The following SZT2 variants were observed in gnomAD, a reference collection of about 807,000 sequenced individuals.
SZT2 encodes KICSTOR complex protein SZT2.
Under a neutral mutation model 404.2 loss-of-function variants are expected in SZT2, and 216 were observed. That is an observed-to-expected ratio of 0.53 (90% confidence interval 0.48 to 0.60). SZT2 has a LOEUF of 0.60. Among genes scored for constraint, SZT2 ranks in the 20% least tolerant of loss-of-function variants. The probability of loss-of-function intolerance (pLI) is 0.00; values close to 1 mark genes in which losing one functional copy is unlikely to be tolerated. For synonymous variants in SZT2, 1,693 were observed against 1,749.9 expected (o/e 0.97, Z 0.81); for missense variants, 3,857 against 4,459.2 (o/e 0.86, Z 3.85).
rs1347750932 is a variant in SZT2, at chr1:43,416,093, C to G, written c.764C>G (p.Ser255Cys). ...GCACTGCAGTTACTACCCTCGAACT[C>G]TAGTGCAGGTCAGTAGAAGGAATAT... is the stretch of plus-strand genomic sequence containing the variant. ...ILALQLLPSN[S>C]SAGIIVITDG... The change falls in exon 6 of 72, where the codon TCT becomes TGT. Residue 255 changes from serine to cysteine, a missense_variant. Coordinates refer to ENST00000634258, the MANE Select transcript of SZT2 (RefSeq NM_001365999.1). 6.3e-7 allele frequency: 1 copy of G among 1,598,284 alleles called. No homozygotes were observed. Among genetic ancestry groups the G allele is most frequent in the African/African-American group, 1.3e-5 (1 of 75,008 alleles).
chr1:43,437,619 C>T lies in SZT2; in HGVS notation c.6315C>T (p.Asp2105=). The part of the protein sequence containing the change: ...YLRLLETSCS[D]RPWKGDALPP... ...GGCTCCTAGAGACATCCTGCAGTGA[C>T]CGGCCATGGAAAGGGGATGCGCTGC... Residue 2105 remains aspartate, a synonymous_variant, in exon 45 of 72, where the codon GAC becomes GAT. Transcript: ENST00000634258. The surrounding 1 kb of genome is among the most constrained non-coding windows in gnomAD (Gnocchi z 5.3). 1 of 1,614,136 alleles carries T rather than the reference C, an allele frequency of 6.2e-7. No homozygotes were observed. Among genetic ancestry groups the T allele is most frequent in the Non-Finnish European group, 8.5e-7 (1 of 1,180,010 alleles).
In SZT2 at chr1:43,430,973, G is replaced by GC. The variant is rs1653798127; in HGVS notation, c.4805dup (p.Val1603SerfsTer41). ...GGCCAGGTGCTTTCCAGTCTGGAGGGCCCCCCAGTTGGAGGCCGAGTTCCC... is the reference window on the plus strand; with the variant it reads ...GGCCAGGTGCTTTCCAGTCTGGAGGGCCCCCCCAGTTGGAGGCCGAGTTCCC... On this transcript the variant is annotated frameshift_variant, in exon 33 of 72. Transcript: ENST00000634258. LOFTEE classifies it high-confidence loss of function. The GC allele has an allele frequency of 1.2e-6, 2 of 1,613,798 alleles. No homozygotes were observed. The highest frequency in any genetic ancestry group is 2.7e-5 in the African/African-American group (2 of 74,904).
In SZT2 at chr1:43,419,619, C is replaced by T. The variant is rs1312328445; in HGVS notation, c.880-115C>T. On this transcript the variant is annotated intron_variant, in intron 7 of 71. Coordinates refer to ENST00000634258, the MANE Select transcript of SZT2 (RefSeq NM_001365999.1). ...TCCTGGGAAAACACTGGCCTACTTC[C>T]CACTCTGTGGTCCAGGGAATGGGAG... is the stretch of plus-strand genomic sequence containing the variant. 4.9e-6 allele frequency: 4 copies of T among 814,820 alleles called. No homozygotes were observed. In the East Asian group the frequency reaches 1.1e-4, roughly 22 times the overall value. The allele number at this position is 814,820 out of a possible 1,614,324, so 50.5% of individuals were successfully genotyped here.
At position 43,450,573 on chromosome 1, in the gene SZT2, C is replaced by T; in HGVS notation, c.*93C>T. Reference sequence around the variant, plus strand: ...GGCAGGACTGACCAGCCCTTCTGGGCCCCAGGGCAAGCCAGACACTGAGTG... The same window carrying T: ...GGCAGGACTGACCAGCCCTTCTGGGTCCCAGGGCAAGCCAGACACTGAGTG... On this transcript the variant is annotated 3_prime_UTR_variant, in exon 72 of 72. Transcript: ENST00000634258. This position sits in a 1 kb window ranked among gnomAD's most constrained non-coding sequence, Gnocchi z 4.3. 2 of 1,552,224 alleles carry T rather than the reference C, an allele frequency of 1.3e-6. No individual in the cohort carries two copies. Among genetic ancestry groups the T allele is most frequent in the Non-Finnish European group, 8.8e-7 (1 of 1,139,772 alleles).
intron 1 of SZT2, 39 bp from the exon 2 acceptor site, chr1:43,403,138 C>G: frequency 6.2e-7 from 1 of 1,608,416 alleles, no homozygotes; most frequent in Non-Finnish European, 8.5e-7. Flanking sequence ...GTACTCGGTG[C>G]CATTTTTTAA....
At position 43,442,138 on chromosome 1, in the gene SZT2, C is replaced by T; in HGVS notation, c.7873+8C>T. On this transcript the variant is annotated splice_region_variant and intron_variant, in intron 56 of 71. Coordinates refer to ENST00000634258, the MANE Select transcript of SZT2 (RefSeq NM_001365999.1). This position sits in a 1 kb window ranked among gnomAD's most constrained non-coding sequence, Gnocchi z 4.5. ...GGAGACCAACACAGCAGGGTGAGGGCATGGCCCGGGGGGGCGGGGGGCGGG... is the reference window on the plus strand; with the variant it reads ...GGAGACCAACACAGCAGGGTGAGGGTATGGCCCGGGGGGGCGGGGGGCGGG... The T allele has an allele frequency of 6.2e-7, 1 of 1,609,238 alleles. No individual in the cohort carries two copies. Among genetic ancestry groups the T allele is most frequent in the Admixed American group, 1.7e-5 (1 of 59,652 alleles).
Position 43,451,636 on chromosome 1 carries a change from AG to A in SZT2, c.*1158del, listed in dbSNP as rs1401653889. Reference sequence around the variant, plus strand: ...ATTGAAAGGGTGGGAGGGCAAAGGAAGGTCCTCTCACCAACAATGGGCAGGA... The same window carrying A: ...ATTGAAAGGGTGGGAGGGCAAAGGAAGTCCTCTCACCAACAATGGGCAGGA... On this transcript the variant is annotated 3_prime_UTR_variant, in exon 72 of 72. Coordinates refer to ENST00000634258, the MANE Select transcript of SZT2 (RefSeq NM_001365999.1). 6.2e-7 allele frequency: 1 copy of A among 1,614,094 alleles called. No individual in the cohort carries two copies. The highest frequency in any genetic ancestry group is 1.1e-5 in the South Asian group (1 of 91,078).
At position 43,447,915 on chromosome 1, in the gene SZT2, C is replaced by T. The variant is rs1225228635; in HGVS notation, c.9507C>T (p.Val3169=). ...HQDDFDVSLL[V]CHCAAPFEEQ... is the part of the protein sequence containing the mutation. Reference sequence around the variant, plus strand: ...ATGACTTTGATGTGTCTCTGCTTGTCTGTCACTGTGCTGCACCCTTTGAGG... The same window carrying T: ...ATGACTTTGATGTGTCTCTGCTTGTTTGTCACTGTGCTGCACCCTTTGAGG... The change falls in exon 68 of 72, where the codon GTC becomes GTT. Residue 3169 remains valine (V), a synonymous_variant. Transcript: ENST00000634258. 3 of 1,614,110 alleles carry T rather than the reference C, an allele frequency of 1.9e-6. No homozygotes were observed. Among genetic ancestry groups the T allele is most frequent in the Non-Finnish European group, 2.5e-6 (3 of 1,180,016 alleles).
Position 43,420,267 on chromosome 1 carries a change from C to T in SZT2, c.1205C>T (p.Thr402Ile), listed in dbSNP as rs1279537720. ...GAGGTGCCAGCCGACTTGGTCAGCA[C>T]TGTGTCCGTACGGCTTCGAGAGGGC... ...EKEVPADLVS[T>I]VSVRLREGYS... The change falls in exon 9 of 72, where the codon ACT becomes ATT. Residue 402 changes from threonine (T) to isoleucine (I), a missense_variant. Physicochemically the swap from Thr to Ile is moderately conservative, Grantham distance 89 (BLOSUM62 -1). This residue lies in a region of SZT2 where 536 missense variants were observed against 637.4 expected (regional missense o/e 0.84). Transcript: ENST00000634258. This position sits in a 1 kb window ranked among gnomAD's most constrained non-coding sequence, Gnocchi z 5.1. 1 of 1,598,430 alleles carries T rather than the reference C, an allele frequency of 6.3e-7. No homozygotes were observed. Among genetic ancestry groups the T allele is most frequent in the South Asian group, 1.1e-5 (1 of 91,074 alleles).
rs778230648 is a variant in SZT2, at chr1:43,437,925, G to C, written c.6508+23G>C. On this transcript the variant is annotated intron_variant, in intron 46 of 71. Coordinates refer to ENST00000634258, the MANE Select transcript of SZT2 (RefSeq NM_001365999.1). This position sits in a 1 kb window ranked among gnomAD's most constrained non-coding sequence, Gnocchi z 5.3. The stretch of plus-strand genomic sequence containing the variant: ...CAGGTAAGGTCTGAGGAGGGGGTAG[G>C]GGAGTCGCCACATGAGGTTCCAGAA... 1.9e-6 allele frequency: 3 copies of C among 1,612,062 alleles called. No individual in the cohort carries two copies. Among genetic ancestry groups the C allele is most frequent in the Non-Finnish European group, 2.5e-6 (3 of 1,178,210 alleles).
chr1:43,422,662 G>GCCCCCCCCCCCCCCCCCCCCC, intron 13 of SZT2, 30 bp downstream of exon 13: 1 of 1,231,816 alleles, frequency 8.1e-7, no homozygotes. Context: ...TTCACCCCCC[G>GCCCCCCCCCCCCCCCCCCCCC]CCCCCCCACC....
Position 43,446,031 on chromosome 1 carries a change from C to T in SZT2, c.8916+47C>T, listed in dbSNP as rs200440290. ...AAGTTACTGATGCTAAATTACTTTCCCACGGCCTGAGGTCATTGACCCTGA... is the reference window on the plus strand; with the variant it reads ...AAGTTACTGATGCTAAATTACTTTCTCACGGCCTGAGGTCATTGACCCTGA... On this transcript the variant is annotated intron_variant, in intron 63 of 71. Coordinates refer to ENST00000634258, the MANE Select transcript of SZT2 (RefSeq NM_001365999.1). 1.9e-6 allele frequency: 3 copies of T among 1,604,836 alleles called. No individual in the cohort carries two copies. The Admixed American group carries it at 5.0e-5, about 27-fold the overall frequency.
rs753649152 is a variant in SZT2, at chr1:43,442,334, A to G, written c.7940A>G (p.Gln2647Arg). 1.9e-6 allele frequency: 3 copies of G among 1,614,136 alleles called. No homozygotes were observed. Among genetic ancestry groups the G allele is most frequent in the African/African-American group, 1.3e-5 (1 of 75,040 alleles). ...AGCTCAGGGCGAAATGCTCCCCGGCAGAGGCTCTTGCTACTAGAGGTTGTG... is the reference window on the plus strand; with the variant it reads ...AGCTCAGGGCGAAATGCTCCCCGGCGGAGGCTCTTGCTACTAGAGGTTGTG... ...DGSSGRNAPR[Q>R]RLLLLEVVDK... Residue 2647 changes from glutamine (Q) to arginine (R), a missense_variant, in exon 57 of 72, where the codon CAG (glutamine) becomes CGG (arginine). By Grantham distance (43) the Gln-to-Arg change is conservative (BLOSUM62 1). Around this residue, in one of 7 missense-constraint regions of SZT2, gnomAD observed 573 missense variants for 592.4 expected, o/e 0.97. Coordinates refer to ENST00000634258, the MANE Select transcript of SZT2 (RefSeq NM_001365999.1). This position sits in a 1 kb window ranked among gnomAD's most constrained non-coding sequence, Gnocchi z 4.5.
chr1:43,429,550 G>A (rs1653601245), intron 28 of SZT2, 153 bp from the exon 29 acceptor site: 4 of 817,914 alleles, frequency 4.9e-6, no homozygotes, highest in Admixed American at 2.7e-5. Context: ...TGTGTAGGTT[G>A]GTTCTCTTTG....
At chr1:43,404,787 T>G (rs1650106597) in intron 4 of SZT2, 1 of 407,156 alleles carries the variant, frequency 2.5e-6, no homozygotes, top group African/African-American at 2.1e-5. Flanking sequence ...GACACCTGCC[T>G]TTTTCACTGC....
At position 43,452,086 on chromosome 1, in the gene SZT2, G is replaced by A. The variant is rs2153938035; in HGVS notation, c.*1606G>A. On this transcript the variant is annotated 3_prime_UTR_variant, in exon 72 of 72. Transcript: ENST00000634258. Reference sequence around the variant, plus strand: ...CCCCCATCAGTCAGTCACTGGTCAAGGCCCTCACCTGTTCCTCTGACCTAG... The same window carrying A: ...CCCCCATCAGTCAGTCACTGGTCAAAGCCCTCACCTGTTCCTCTGACCTAG... The A allele has an allele frequency of 2.6e-6, 4 of 1,527,806 alleles. No individual in the cohort carries two copies. In the East Asian group the frequency reaches 6.8e-5, roughly 26 times the overall value. The allele number at this position is 1,527,806 out of a possible 1,614,324, so 94.6% of individuals were successfully genotyped here.
chr1:43,428,286 T>A lies in SZT2; in HGVS notation c.3966T>A (p.Asp1322Glu), dbSNP rs1201128067. The change falls in exon 28 of 72, where the codon GAT becomes GAA. Residue 1322 changes from aspartate to glutamate, a missense_variant. Asp to Glu is a conservative substitution (Grantham distance 45). Transcript: ENST00000634258. ...LQQAQSVTSQ[D>E]LLTAVDACEE... ...AAGCACAGAGTGTGACCTCCCAGGA[T>A]TTGCTGACAGCGGTAGATGCCTGTG... The A allele has an allele frequency of 6.2e-7, 1 of 1,614,184 alleles. No individual in the cohort carries two copies. Among genetic ancestry groups the A allele is most frequent in the Admixed American group, 1.7e-5 (1 of 60,012 alleles).
In SZT2 at chr1:43,430,551, A is replaced by C; in HGVS notation, c.4536A>C (p.Glu1512Asp). Residue 1512 changes from glutamate to aspartate, a missense_variant, in exon 32 of 72, where the codon GAA (glutamate) becomes GAC (aspartate). Glu to Asp is a conservative substitution (Grantham distance 45). Coordinates refer to ENST00000634258, the MANE Select transcript of SZT2 (RefSeq NM_001365999.1). ...AGAGTGACCCAGAGCTAGAGGTAGA[A>C]TACCGGGAGAGCCGTGAATCAGACC... is the stretch of plus-strand genomic sequence containing the variant. ...VTESDPELEVEYRESRESDLG... is the reference protein window; with the variant it reads ...VTESDPELEVDYRESRESDLG... 1.2e-6 allele frequency: 2 copies of C among 1,614,208 alleles called. No individual in the cohort carries two copies. Among genetic ancestry groups the C allele is most frequent in the Non-Finnish European group, 1.7e-6 (2 of 1,180,034 alleles).
rs970602061 is a variant in SZT2 at position 43,453,992 on chromosome 1, G to A, written c.*3512G>A. 19 of 1,185,332 alleles carry A rather than the reference G, an allele frequency of 1.6e-5. 1 individual carries two copies. The Middle Eastern group carries it at 1.0e-3, about 63-fold the overall frequency. 73.4% of individuals were successfully genotyped at this position (1,185,332 alleles called of 1,614,324 possible). A position where few individuals can be genotyped will look rare whatever the true frequency, so the allele number is the denominator to read the frequency against. On this transcript the variant is annotated 3_prime_UTR_variant, in exon 72 of 72. Transcript: ENST00000634258. ...ACGGTTAGCGAGAGAGGGATCACGGGGAGAGGCGAAGGGGCGGAGCGAGGG... is the reference window on the plus strand; with the variant it reads ...ACGGTTAGCGAGAGAGGGATCACGGAGAGAGGCGAAGGGGCGGAGCGAGGG...
Sources: allele counts gnomAD v4.1 joint callset, GRCh38; gene constraint gnomAD v4.1.1; regional missense constraint gnomAD v4.1.1; non-coding constraint Gnocchi (gnomAD v3.1); transcripts MANE v1.5; gene names NCBI Gene and HGNC (gene_info 2026-07-23, HGNC 2026-07-21).